The following PCNX1 variants were observed in gnomAD, a reference collection of about 807,000 sequenced individuals.
The protein encoded by PCNX1 is pecanex 1, also known as pecanex-like protein 1.
A neutral mutation model predicts 242.2 loss-of-function variants in PCNX1; 78 were observed. That is an observed-to-expected ratio of 0.32 (90% CI 0.27 to 0.39). The LOEUF is 0.39. Ranked by LOEUF, PCNX1 falls within the 10% of genes least tolerant of loss-of-function variation. PCNX1 has a pLI of 1.00. For synonymous variants in PCNX1, 1,024 were observed against 1,032.9 expected (o/e 0.99, Z 0.17); for missense variants, 2,581 against 2,856.5 (o/e 0.90, Z 2.20).
chr14:70,968,471 A>G (rs2058446919), intron 4 of PCNX1, among the ~76,000 whole-genome samples: 2 of 152,242 alleles, frequency 1.3e-5, no homozygotes, highest in African/African-American at 4.8e-5. Flanking sequence ...TGCGTGAATT[A>G]CATAAGTTTT....
chr14:70,978,675 T>C (rs34551191), intron 6 of PCNX1, 27 bp downstream of exon 6: 15,933 of 1,565,532 alleles, frequency 0.01, 119 homozygotes, highest in Non-Finnish European at 0.011. Flanking sequence ...AAGAGATTTC[T>C]GTAAGACTCA....
chr14:71,036,677 A>G (rs764081737), intron 19 of PCNX1, among the ~76,000 whole-genome samples: 6 of 152,222 alleles, frequency 3.9e-5, no homozygotes, highest in East Asian at 1.9e-4. Flanking sequence ...GCCTAAACAC[A>G]CATTTCTCAT....
At chr14:70,970,922 C>T (rs1209985123) in intron 5 of PCNX1, among the ~76,000 whole-genome samples, 1 of 152,128 alleles carries the variant, frequency 6.6e-6, no homozygotes, top group East Asian at 1.9e-4. Flanking sequence ...ATGCATTTAC[C>T]CAGTTAATCT....
chr14:70,960,780 CA>C (rs994500719), intron 2 of PCNX1, among the ~76,000 whole-genome samples: 11 of 152,074 alleles, frequency 7.2e-5, no homozygotes, highest in African/African-American at 2.4e-4. Context: ...TGTCTCAGCC[CA>C]AAATCTCCTT....
chr14:71,014,550 A>C (rs1473376688), intron 11 of PCNX1, among the ~76,000 whole-genome samples: 2 of 152,242 alleles, frequency 1.3e-5, no homozygotes, highest in Admixed American at 1.3e-4. Context: ...GTCCCAAATC[A>C]AACTTAGAGA....
intron 2 of PCNX1, among the ~76,000 whole-genome samples, chr14:70,953,412 C>G (rs2057865663): frequency 6.6e-6 from 1 of 151,634 alleles, no homozygotes; most frequent in African/African-American, 2.4e-5. Flanking sequence ...TTTTCCAATG[C>G]TCATTTATGT....
At chr14:71,082,404 GA>G (rs1356090543) in intron 28 of PCNX1, among the ~76,000 whole-genome samples, 2 of 152,144 alleles carry the variant, frequency 1.3e-5, no homozygotes, top group Non-Finnish European at 2.9e-5. Flanking sequence ...TTCAAGTCCT[GA>G]ATATCCTTGT....
In PCNX1 at chr14:71,050,516, A is replaced by G. The variant is rs190076495; in HGVS notation, c.4339-136A>G. ...TTGATATATCTTTTCCTGTTATGTAAATGGCAAATAATTTCAATGCCATTT... is the reference window on the plus strand; with the variant it reads ...TTGATATATCTTTTCCTGTTATGTAGATGGCAAATAATTTCAATGCCATTT... On this transcript the variant is annotated intron_variant, in intron 22 of 35. Transcript: ENST00000304743. The G allele has an allele frequency of 1.5e-3, 1,044 of 683,528 alleles. 2 individuals are homozygous for G. The highest frequency in any genetic ancestry group is 2.2e-3 in the Non-Finnish European group (927 of 430,154). 42.3% of individuals were successfully genotyped at this position (683,528 alleles called of 1,614,324 possible). A position where few individuals can be genotyped will look rare whatever the true frequency, so the allele number is the denominator to read the frequency against.
intron 4 of PCNX1, 47 bp from the exon 5 acceptor site, chr14:70,968,974 C>G: frequency 9.4e-7 from 1 of 1,063,890 alleles, no homozygotes; most frequent in Non-Finnish European, 1.5e-6. Context: ...CACCCTACAG[C>G]CTTACTGTTA....
chr14:71,033,416 C>A lies in PCNX1; in HGVS notation c.3559-13C>A. ...TAGAAGCATATTATTCTGTTAAATTCATTTTTCCGCAGGATTCTTGGGATG... is the reference window on the plus strand; with the variant it reads ...TAGAAGCATATTATTCTGTTAAATTAATTTTTCCGCAGGATTCTTGGGATG... On this transcript the variant is annotated splice_polypyrimidine_tract_variant and intron_variant, in intron 16 of 35. Coordinates refer to ENST00000304743, the MANE Select transcript of PCNX1 (RefSeq NM_014982.3). 1 of 1,379,282 alleles carries A rather than the reference C, an allele frequency of 7.3e-7. No individual in the cohort carries two copies. Among genetic ancestry groups the A allele is most frequent in the Non-Finnish European group, 1.0e-6 (1 of 970,184 alleles). 85.4% of individuals were successfully genotyped at this position (1,379,282 alleles called of 1,614,324 possible).
At chr14:70,964,354 A>G (rs2058314254) in intron 3 of PCNX1, among the ~76,000 whole-genome samples, 1 of 152,212 alleles carries the variant, frequency 6.6e-6, no homozygotes, top group African/African-American at 2.4e-5. Flanking sequence ...GATGTGAGTC[A>G]CCATGCCCAG....
In PCNX1 at chr14:71,113,015, A is replaced by G. The variant is rs976134312; in HGVS notation, c.*3080A>G. 6.6e-6 allele frequency: 1 copy of G among 152,144 alleles called. No individual in the cohort carries two copies. Among genetic ancestry groups the G allele is most frequent in the Non-Finnish European group, 1.5e-5 (1 of 68,020 alleles). 9.4% of individuals were successfully genotyped at this position (152,144 alleles called of 1,614,324 possible). A position where few individuals can be genotyped will look rare whatever the true frequency, so the allele number is the denominator to read the frequency against. ...ACCTTGGTGTGAACTCTCTTTTTAC[A>G]CCATTTTCAACACTGGATAAAACTT... On this transcript the variant is annotated 3_prime_UTR_variant, in exon 36 of 36. Coordinates refer to ENST00000304743, the MANE Select transcript of PCNX1 (RefSeq NM_014982.3).
At chr14:71,063,077 A>T (rs1197418317) in intron 26 of PCNX1, among the ~76,000 whole-genome samples, 1 of 152,152 alleles carries the variant, frequency 6.6e-6, no homozygotes, top group Non-Finnish European at 1.5e-5. Context: ...TGCACAACGA[A>T]ATTTCTTAAC....
At chr14:71,049,551 TCA>T (rs1353588830) in intron 22 of PCNX1, among the ~76,000 whole-genome samples, 1 of 152,212 alleles carries the variant, frequency 6.6e-6, no homozygotes, top group African/African-American at 2.4e-5. Context: ...ACAGTTTGTT[TCA>T]CAGACTCTGA....
At chr14:71,022,420 G>A (rs2060128445) in intron 12 of PCNX1, among the ~76,000 whole-genome samples, 1 of 152,184 alleles carries the variant, frequency 6.6e-6, no homozygotes, top group Non-Finnish European at 1.5e-5. Context: ...AAGAACAGAA[G>A]CATTTAGAAG....
intron 22 of PCNX1, among the ~76,000 whole-genome samples, chr14:71,049,739 ATTGG>A (rs755966820): frequency 6.6e-5 from 10 of 152,186 alleles, no homozygotes; most frequent in Non-Finnish European, 1.2e-4. Flanking sequence ...ACATTTTTTA[ATTGG>A]TTGGAGTTGT....
At chr14:71,109,162 A>G in intron 34 of PCNX1, 116 bp downstream of exon 34, 1 of 974,766 alleles carries the variant, frequency 1.0e-6, no homozygotes, top group Non-Finnish European at 1.5e-6. Context: ...TCAGGACTAG[A>G]ATATTTTTGA....
chr14:71,032,858 C>G (rs1173980403), intron 16 of PCNX1, among the ~76,000 whole-genome samples: 1 of 152,140 alleles, frequency 6.6e-6, no homozygotes, highest in African/African-American at 2.4e-5. Flanking sequence ...GGAAGATAGC[C>G]TTTGTAGTAT....
chr14:70,989,628 C>G (rs2059102611), intron 7 of PCNX1, among the ~76,000 whole-genome samples: 1 of 146,830 alleles, frequency 6.8e-6, no homozygotes, highest in Admixed American at 7.1e-5. Flanking sequence ...CTCCCAAGTT[C>G]AAGTGATTCT....
Sources: gnomAD v4.1 joint callset for allele counts (sites outside exome capture counted in the v4.1 genomes callset) on GRCh38, gnomAD v4.1.1 for gene constraint, MANE v1.5 for transcripts, NCBI Gene and HGNC (gene_info 2026-07-23, HGNC 2026-07-21) for gene names.